EML6: variants seen among roughly 807,000 people sequenced by gnomAD.
The protein encoded by EML6 is echinoderm microtubule-associated protein-like 6.
A neutral mutation model predicts 240.1 loss-of-function variants in EML6; 154 were observed. The ratio of observed to expected loss-of-function variants is 0.64; its 90% CI spans 0.56 to 0.73. The LOEUF (loss-of-function observed/expected upper bound fraction) is 0.73, where lower values mean the gene tolerates loss of function less well. Ranked by LOEUF, EML6 falls within the 30% of genes least tolerant of loss-of-function variation. EML6 has a pLI of 0.00. For synonymous variants in EML6, 1,148 were observed against 899.0 expected, an observed-to-expected ratio of 1.28 and a Z score of -4.95; for missense variants, 2,964 against 2,474.6, an observed-to-expected ratio of 1.20 and a Z score of -4.20.
rs1220555521 is a variant in EML6 at position 54,951,542 on chromosome 2, T to C, written c.4213+763T>C. 1.1e-4 allele frequency among the ~76,000 whole-genome samples: 10 copies of C among 89,396 alleles called. No homozygotes were observed. In the South Asian group the frequency reaches 2.4e-3, roughly 22 times the overall value. The allele number at this position is 89,396 out of a possible 152,430, so 58.6% of individuals were successfully genotyped here. A position where few individuals can be genotyped will look rare whatever the true frequency, so the allele number is the denominator to read the frequency against. On this transcript the variant is annotated intron_variant, in intron 30 of 41. Coordinates refer to ENST00000356458, the MANE Select transcript of EML6 (RefSeq NM_001039753.4). ...CCTGAGCAACAGAGGGAGACTCTTA[T>C]TTCAAAAAGAAAAAAAAAAATACTC...
chr2:54,903,247 A>T (rs1362069257), intron 23 of EML6, 51 bp downstream of exon 23: 4 of 1,528,828 alleles, frequency 2.6e-6, no homozygotes, highest in Non-Finnish European at 3.5e-6. Context: ...TGGGACAAAA[A>T]ATTACAAGAA....
chr2:54,843,123 A>G (rs571769300), intron 7 of EML6, among the ~76,000 whole-genome samples: 2 of 152,366 alleles, frequency 1.3e-5, no homozygotes, highest in South Asian at 4.1e-4. Context: ...CTCTGATAGC[A>G]AATCTGAAGG....
chr2:54,921,871 T>G (rs903110763), intron 26 of EML6, among the ~76,000 whole-genome samples: 2 of 152,134 alleles, frequency 1.3e-5, no homozygotes, highest in African/African-American at 4.8e-5. Flanking sequence ...ACTGGATATC[T>G]ACATTCAAAA....
chr2:54,903,950 C>A (rs151063331), intron 24 of EML6, among the ~76,000 whole-genome samples: 100 of 152,314 alleles, frequency 6.6e-4, no homozygotes, highest in Middle Eastern at 3.4e-3. Context: ...CTACATTCAG[C>A]CTGCCTAAAA....
intron 2 of EML6, among the ~76,000 whole-genome samples, chr2:54,769,807 A>C (rs1668334730): frequency 6.6e-6 from 1 of 152,320 alleles, no homozygotes; most frequent in African/African-American, 2.4e-5. Flanking sequence ...TCTAGGTACT[A>C]TCCTGTCCAG....
At chr2:54,813,082 A>C in intron 2 of EML6, 150 bp from the exon 3 acceptor site, 2 of 606,090 alleles carry the variant, frequency 3.3e-6, no homozygotes, top group South Asian at 4.5e-5. Context: ...CAATTAGTCA[A>C]ATCAAGTAAT....
At chr2:54,851,362 G>C (rs1292895966) in intron 10 of EML6, among the ~76,000 whole-genome samples, 1 of 152,138 alleles carries the variant, frequency 6.6e-6, no homozygotes, top group Admixed American at 6.5e-5. Context: ...GCAGCGAGCT[G>C]AGATCGCACC....
intron 26 of EML6, among the ~76,000 whole-genome samples, chr2:54,923,223 G>T (rs1674353734): frequency 6.6e-6 from 1 of 152,074 alleles, no homozygotes; most frequent in African/African-American, 2.4e-5. Context: ...TTACAGGTGT[G>T]AGCCACCACG....
intron 2 of EML6, among the ~76,000 whole-genome samples, chr2:54,770,615 G>C (rs1047507054): frequency 1.5e-4 from 23 of 152,230 alleles, no homozygotes; most frequent in African/African-American, 5.5e-4. Flanking sequence ...CTTCTCAGTT[G>C]CCTCCAGCTG....
chr2:54,797,480 G>A (rs1669883966), intron 2 of EML6, among the ~76,000 whole-genome samples: 1 of 152,146 alleles, frequency 6.6e-6, no homozygotes, highest in Non-Finnish European at 1.5e-5. Flanking sequence ...TATATCGGAT[G>A]GAGGGTTTGG....
chr2:54,940,656 T>C (rs968036308), intron 28 of EML6, among the ~76,000 whole-genome samples: 31 of 152,240 alleles, frequency 2.0e-4, no homozygotes, highest in African/African-American at 6.0e-4. Flanking sequence ...TTCAAGATGC[T>C]GTGCAAGTCC....
At chr2:54,928,078 G>T (rs942748741) in intron 26 of EML6, among the ~76,000 whole-genome samples, 1 of 152,204 alleles carries the variant, frequency 6.6e-6, no homozygotes, top group Non-Finnish European at 1.5e-5. Context: ...AGGTTCTGTA[G>T]TCTAACATTT....
At chr2:54,790,649 C>A (rs1669385353) in intron 2 of EML6, among the ~76,000 whole-genome samples, 1 of 151,952 alleles carries the variant, frequency 6.6e-6, no homozygotes, top group African/African-American at 2.4e-5. Flanking sequence ...CCAGGCTTTC[C>A]CACAGTTGAT....
At chr2:54,924,919 A>G (rs1674464161) in intron 26 of EML6, among the ~76,000 whole-genome samples, 1 of 151,610 alleles carries the variant, frequency 6.6e-6, no homozygotes, top group Admixed American at 6.6e-5. Context: ...AAATACATGA[A>G]TCTCTTGCCA....
intron 30 of EML6, among the ~76,000 whole-genome samples, chr2:54,951,131 G>A (rs1231700659): frequency 6.6e-6 from 1 of 152,144 alleles, no homozygotes; most frequent in Non-Finnish European, 1.5e-5. Flanking sequence ...ACAGAACTTT[G>A]CCTATTCATT....
intron 16 of EML6, among the ~76,000 whole-genome samples, chr2:54,878,379 G>A (rs1671619117): frequency 6.6e-6 from 1 of 152,132 alleles, no homozygotes; most frequent in Admixed American, 6.5e-5. Flanking sequence ...TGCAGGATGA[G>A]CTTGATCACT....
intron 2 of EML6, among the ~76,000 whole-genome samples, chr2:54,790,514 C>G (rs945549674): frequency 1.2e-4 from 18 of 152,126 alleles, no homozygotes; most frequent in Non-Finnish European, 2.5e-4. Context: ...TCTATTGTCA[C>G]CACCCATTTC....
intron 16 of EML6, among the ~76,000 whole-genome samples, chr2:54,875,272 C>G (rs994652765): frequency 6.6e-6 from 1 of 152,180 alleles, no homozygotes; most frequent in Admixed American, 6.5e-5. Flanking sequence ...GCAACTAATG[C>G]TACCATCCTT....
chr2:54,954,039 C>G lies in EML6; in HGVS notation c.4369C>G (p.Leu1457Val). The G allele has an allele frequency of 6.4e-7, 1 of 1,552,078 alleles. No individual in the cohort carries two copies. The highest frequency in any genetic ancestry group is 8.7e-7 in the Non-Finnish European group (1 of 1,147,022). ...DAMTKHTLSM[L>V]RCFHSKGVNY... ...CATGACCAAACACACCCTCTCCATG[C>G]TGCGGTGCTTCCACTCCAAGGGGGT... Residue 1457 changes from leucine to valine, a missense_variant, in exon 32 of 42, where the codon CTG becomes GTG. Physicochemically the swap from Leu to Val is conservative, Grantham distance 32. Transcript: ENST00000356458.
Sources: gnomAD v4.1 joint callset for allele counts (sites outside exome capture counted in the v4.1 genomes callset) on GRCh38, gnomAD v4.1.1 for gene constraint, MANE v1.5 for transcripts, NCBI Gene and HGNC (gene_info 2026-07-23, HGNC 2026-07-21) for gene names.